SIM1: variants seen among roughly 807,000 people sequenced by gnomAD.
The protein encoded by SIM1 is single-minded homolog 1.
In SIM1, 18 loss-of-function variants were observed where a neutral mutation model predicts 78.2. That is an observed-to-expected ratio of 0.23 (90% CI 0.16 to 0.34). The LOEUF (loss-of-function observed/expected upper bound fraction) is 0.34. Ranked by LOEUF, SIM1 falls within the 10% of genes least tolerant of loss-of-function variation. The pLI, the probability that SIM1 is intolerant of heterozygous loss-of-function variation, is 1.00. For synonymous variants in SIM1, 417 were observed against 385.2 expected (o/e 1.08, Z -0.97); for missense variants, 939 against 975.1 (o/e 0.96, Z 0.49).
chr6:100,390,433 G>A lies in SIM1; in HGVS notation c.2229C>T (p.Ser743=). Residue 743 remains serine, a synonymous_variant, in exon 12 of 12, where the codon TCC becomes TCT. Transcript: ENST00000369208. The part of the protein sequence containing the change: ...GCNGSHFDVT[S]HLRMQPDPAQ... ...CTGGGTCTGGTTGCATCCTCAGATGGGAAGTTACATCAAAGTGTGAGCCAT... is the reference window on the plus strand; with the variant it reads ...CTGGGTCTGGTTGCATCCTCAGATGAGAAGTTACATCAAAGTGTGAGCCAT... 6.2e-7 allele frequency: 1 copy of A among 1,614,128 alleles called. No individual in the cohort carries two copies. Among genetic ancestry groups the A allele is most frequent in the Admixed American group, 1.7e-5 (1 of 60,008 alleles).
Position 100,390,608 on chromosome 6 carries a change from T to G in SIM1, c.2054A>C (p.His685Pro), listed in dbSNP as rs1490934625. ...KDYLHSDISP[H>P]QTAGDHPTVS... is the part of the protein sequence containing the mutation. ...AGTAGGGTGGTCTCCTGCTGTCTGA[T>G]GAGGAGATATATCCGAATGCAGATA... Residue 685 changes from histidine (H) to proline (P), a missense_variant, in exon 12 of 12, where the codon CAT becomes CCT. This residue lies in a region of SIM1 where 556 missense variants were observed against 521.9 expected (regional missense o/e 1.07). Coordinates refer to ENST00000369208, the MANE Select transcript of SIM1 (RefSeq NM_005068.3). 1.9e-6 allele frequency: 3 copies of G among 1,614,180 alleles called. No homozygotes were observed. Among genetic ancestry groups the G allele is most frequent in the Admixed American group, 1.7e-5 (1 of 60,020 alleles).
At chr6:100,408,374 G>C (rs1485945288) in intron 10 of SIM1, among the ~76,000 whole-genome samples, 1 of 151,960 alleles carries the variant, frequency 6.6e-6, no homozygotes, top group Non-Finnish European at 1.5e-5. Flanking sequence ...ATTGTTTGAA[G>C]CCTGGAAGTG....
chr6:100,462,726 A>G (rs1772886851), intron 2 of SIM1: 1 of 152,248 alleles, frequency 6.6e-6, no homozygotes, highest in South Asian at 2.1e-4. Flanking sequence ...AGAATCTGCG[A>G]ATGTCTTGAA....
intron 9 of SIM1, among the ~76,000 whole-genome samples, chr6:100,440,562 C>T (rs573355907): frequency 2.0e-5 from 3 of 152,262 alleles, no homozygotes; most frequent in Middle Eastern, 3.4e-3. Context: ...AATGCCAAGG[C>T]GAGGAGAAAG....
chr6:100,434,300 C>T (rs562526210), intron 9 of SIM1, among the ~76,000 whole-genome samples: 2 of 152,206 alleles, frequency 1.3e-5, no homozygotes, highest in Non-Finnish European at 2.9e-5. Flanking sequence ...ACAACAAATA[C>T]TTCACTACGC....
At chr6:100,450,193 A>C in intron 4 of SIM1, 74 bp downstream of exon 4, 2 of 1,265,158 alleles carry the variant, frequency 1.6e-6, no homozygotes, top group Non-Finnish European at 2.3e-6. Flanking sequence ...CCCAGCCCCC[A>C]ACCCAGCCCC....
chr6:100,424,773 GT>G (rs1184712715), intron 9 of SIM1, among the ~76,000 whole-genome samples: 1 of 152,054 alleles, frequency 6.6e-6, no homozygotes, highest in Admixed American at 6.6e-5. Context: ...GAAATATTCT[GT>G]GAAAAACTCA....
At chr6:100,439,160 T>C (rs980641330) in intron 9 of SIM1, among the ~76,000 whole-genome samples, 1 of 152,072 alleles carries the variant, frequency 6.6e-6, no homozygotes, top group Admixed American at 6.5e-5. Context: ...AGGTGAAGAA[T>C]GTAAAGAAAG....
At chr6:100,421,542 C>T (rs1771587153) in intron 9 of SIM1, among the ~76,000 whole-genome samples, 1 of 152,124 alleles carries the variant, frequency 6.6e-6, no homozygotes, top group African/African-American at 2.4e-5. Flanking sequence ...AGACTTTGTG[C>T]TACAATACAG....
chr6:100,422,731 T>A (rs989488191), intron 9 of SIM1, among the ~76,000 whole-genome samples: 1 of 152,072 alleles, frequency 6.6e-6, no homozygotes. Flanking sequence ...ATATATGAGG[T>A]AATGCACATG....
chr6:100,449,634 C>G lies in SIM1; in HGVS notation c.414G>C (p.Ala138=). Residue 138 remains alanine (A), a synonymous_variant, in exon 5 of 12, where the codon GCG becomes GCC. Coordinates refer to ENST00000369208, the MANE Select transcript of SIM1 (RefSeq NM_005068.3). ...GGTAGGGTTGATGGGCGGTGAGCAC[C>G]GCCGTCATCTCGTCGTGGTCTGCCG... The part of the protein sequence containing the change: ...IHPADHDEMT[A]VLTAHQPYHS... The G allele has an allele frequency of 1.2e-6, 2 of 1,614,166 alleles. No individual in the cohort carries two copies. Among genetic ancestry groups the G allele is most frequent in the Non-Finnish European group, 1.7e-6 (2 of 1,180,042 alleles).
In SIM1 at chr6:100,449,404, A is replaced by G; in HGVS notation, c.502T>C (p.Leu168=). ...GTGAGGCCGGCGTTACGCTTGGCCA[A>G]GACGCACTTCATCCTCAGGAAGAAG... ...RSFFLRMKCV[L]AKRNAGLTCG... is the part of the protein sequence containing the mutation. The change falls in exon 6 of 12, where the codon TTG becomes CTG. Residue 168 remains leucine, a synonymous_variant. Coordinates refer to ENST00000369208, the MANE Select transcript of SIM1 (RefSeq NM_005068.3). The G allele has an allele frequency of 6.2e-7, 1 of 1,614,144 alleles. No homozygotes were observed. Among genetic ancestry groups the G allele is most frequent in the Non-Finnish European group, 8.5e-7 (1 of 1,180,020 alleles).
chr6:100,410,264 T>G (rs541139343), intron 10 of SIM1, among the ~76,000 whole-genome samples: 2 of 152,194 alleles, frequency 1.3e-5, no homozygotes, highest in African/African-American at 4.8e-5. Context: ...TTTCCCTAGA[T>G]ACGTTTTGAT....
rs199665362 is a variant in SIM1, at chr6:100,393,732, C to A, written c.1325G>T (p.Arg442Leu). The change falls in exon 11 of 12, where the codon CGC becomes CTC. Residue 442 changes from arginine (R) to leucine (L), a missense_variant. Transcript: ENST00000369208. ...CGCAAAGCCATAGCAGAGAGAGCTG[C>A]GGTCCGAAAACTGTCTGTAGGCGCA... Reference protein sequence around the residue: ...ASCAYRQFSDRSSLCYGFALD... With the variant: ...ASCAYRQFSDLSSLCYGFALD... 66 of 1,614,092 alleles carry A rather than the reference C, an allele frequency of 4.1e-5. No individual in the cohort carries two copies. The highest frequency in any genetic ancestry group is 4.5e-5 in the Non-Finnish European group (53 of 1,180,036).
chr6:100,412,747 GAAAGAAAA>G (rs1379122175), intron 10 of SIM1, among the ~76,000 whole-genome samples: 9 of 127,666 alleles, frequency 7.0e-5, no homozygotes, highest in South Asian at 2.5e-4. Flanking sequence ...AAGAAAGAAA[GAAAGAAAA>G]AAGAAAAGAA....
chr6:100,458,836 A>G (rs1772759569), intron 2 of SIM1, among the ~76,000 whole-genome samples: 1 of 152,264 alleles, frequency 6.6e-6, no homozygotes, highest in Admixed American at 6.5e-5. Context: ...TGCAGTGGAC[A>G]CTGTTTTAGC....
intron 9 of SIM1, among the ~76,000 whole-genome samples, chr6:100,424,581 A>T (rs1055344221): frequency 6.6e-6 from 1 of 151,508 alleles, no homozygotes; most frequent in Non-Finnish European, 1.5e-5. Context: ...GACTACAGGC[A>T]TGCACCACCA....
chr6:100,418,677 G>A (rs1313154528), intron 10 of SIM1, among the ~76,000 whole-genome samples: 1 of 152,082 alleles, frequency 6.6e-6, no homozygotes, highest in Non-Finnish European at 1.5e-5. Context: ...TATAACAATA[G>A]ACAAACTCCT....
intron 2 of SIM1, among the ~76,000 whole-genome samples, chr6:100,454,348 A>G (rs775160611): frequency 3.9e-5 from 6 of 152,168 alleles, no homozygotes; most frequent in Admixed American, 6.5e-5. Flanking sequence ...CGGGGCTTCT[A>G]GCCACTCTCC....
Sources: gnomAD v4.1 joint callset for allele counts (sites outside exome capture counted in the v4.1 genomes callset) on GRCh38, gnomAD v4.1.1 for gene constraint, gnomAD v4.1.1 regional missense constraint, MANE v1.5 for transcripts, NCBI Gene and HGNC (gene_info 2026-07-23, HGNC 2026-07-21) for gene names.